Variants in MCF2 observed in about 807,000 individuals in gnomAD.
MCF2 encodes the protein MCF.2 cell line derived transforming sequence.
A neutral mutation model predicts 82.5 loss-of-function variants in MCF2; 44 were observed. The observed-to-expected ratio is 0.53, with a 90% CI of 0.42 to 0.69. The LOEUF (loss-of-function observed/expected upper bound fraction) is 0.69, where lower values mean the gene tolerates loss of function less well. MCF2 is among the 30% of genes least tolerant of loss of function. The pLI, the probability that MCF2 is intolerant of heterozygous loss-of-function variation, is 0.00. For synonymous variants in MCF2, 217 were observed against 224.9 expected (o/e 0.96, Z 0.32); for missense variants, 623 against 663.1 (o/e 0.94, Z 0.66).
chrX:139,631,678 A>G (rs756629748), intron 2 of MCF2, among the ~76,000 whole-genome samples, 167 bp from the exon 6 acceptor site: 51 of 111,705 alleles, frequency 4.6e-4, no homozygotes, highest in Admixed American at 5.7e-4. Flanking sequence ...TACCTTCTTC[A>G]GATAATAACA....
chrX:139,679,305 T>C (rs914051087), intron 1 of MCF2, among the ~76,000 whole-genome samples: 2 of 112,308 alleles, frequency 1.8e-5, no homozygotes, highest in African/African-American at 6.5e-5. Context: ...AGGATTATTT[T>C]ACCCTCAGTA....
chrX:139,662,789 C>T (rs1328547963), intron 1 of MCF2, among the ~76,000 whole-genome samples: 1 of 110,354 alleles, frequency 9.1e-6, no homozygotes, highest in Non-Finnish European at 1.9e-5. Flanking sequence ...TTCTCTTCAC[C>T]CTCCCCCTTC....
chrX:139,626,519 G>A, intron 5 of MCF2, 104 bp downstream of exon 8: 7 of 822,736 alleles, frequency 8.5e-6, no homozygotes, highest in Non-Finnish European at 1.2e-5. Flanking sequence ...CAGATTTCCA[G>A]AGGTCCAGGA....
intron 1 of MCF2, among the ~76,000 whole-genome samples, chrX:139,664,405 C>T (rs1426597310): frequency 8.9e-6 from 1 of 112,071 alleles, no homozygotes; most frequent in African/African-American, 3.2e-5. Flanking sequence ...TTTCCATTTA[C>T]ATGGAATATA....
intron 2 of MCF2, among the ~76,000 whole-genome samples, chrX:139,649,881 A>G (rs1165975433): frequency 9.0e-6 from 1 of 111,676 alleles, no homozygotes; most frequent in Non-Finnish European, 1.9e-5. Flanking sequence ...CTTAAGTAAA[A>G]TCTCCAAAAC....
chrX:139,695,191 G>A (rs1271172166), intron 1 of MCF2, among the ~76,000 whole-genome samples: 5 of 109,402 alleles, frequency 4.6e-5, no homozygotes, highest in African/African-American at 1.3e-4. Flanking sequence ...CCACCACACT[G>A]GCTAATTTTT....
At chrX:139,614,258 G>A (rs1487347422) in intron 10 of MCF2, among the ~76,000 whole-genome samples, 1 of 111,487 alleles carries the variant, frequency 9.0e-6, no homozygotes, top group Non-Finnish European at 1.9e-5. Context: ...AAAACTAGGA[G>A]ATTAAAACTA....
intron 1 of MCF2, among the ~76,000 whole-genome samples, chrX:139,664,320 CAA>C (rs58144695): frequency 5.4e-5 from 5 of 92,904 alleles, no homozygotes; most frequent in Admixed American, 1.2e-4. Context: ...AAACAAAAAA[CAA>C]AAAAAAAAAA....
At position 139,616,491 on chromosome X, in the gene MCF2, A is replaced by G. The variant is rs1451491672; in HGVS notation, c.1000-18T>C. 1.6e-5 allele frequency: 14 copies of G among 901,587 alleles called. No homozygotes were observed. The African/African-American group carries it at 4.0e-4, about 25-fold the overall frequency. The allele number at this position is 901,587 out of a possible 1,213,427, so 74.3% of individuals were successfully genotyped here. A position where few individuals can be genotyped will look rare whatever the true frequency, so the allele number is the denominator to read the frequency against. On this transcript the variant is annotated intron_variant, in intron 8 of 24. Coordinates refer to ENST00000370576, the Ensembl canonical transcript of MCF2. ...TGACGAGCCTGGTAAGAAAATCAAG[A>G]AGAAAAAAAAAAAATATGAATTAAT...
chrX:139,597,659 C>T (rs1688662617), intron 17 of MCF2, 74 bp from the exon 22 acceptor site: 2 of 880,748 alleles, frequency 2.3e-6, no homozygotes, highest in Admixed American at 6.9e-5. Flanking sequence ...TTTTGGCTAA[C>T]ATGCTTTCAA....
At chrX:139,642,693 A>C (rs1320148707) in exon 1 of MCF2, 5 of 1,094,782 alleles carry the variant, frequency 4.6e-6, no homozygotes, top group African/African-American at 1.9e-5. Context: ...AAAAAAAAAA[A>C]AAAACCACTA....
intron 1 of MCF2, among the ~76,000 whole-genome samples, chrX:139,641,805 A>G (rs1933584462): frequency 9.0e-6 from 1 of 111,596 alleles, no homozygotes; most frequent in Non-Finnish European, 1.9e-5. Flanking sequence ...AAATGAATGA[A>G]GGGAAAATTT....
chrX:139,598,582 T>A, intron 16 of MCF2, 84 bp from the exon 21 acceptor site: 1 of 461,951 alleles, frequency 2.2e-6, no homozygotes, highest in Non-Finnish European at 3.5e-6. Context: ...TTAAACCTAA[T>A]GCCCCAATGT....
In MCF2 at chrX:139,587,774, GCTTT is replaced by G; in HGVS notation, c.2460_2463del (p.Arg820SerfsTer6). 8.4e-7 allele frequency: 1 copy of G among 1,186,295 alleles called. No homozygotes were observed. The highest frequency in any genetic ancestry group is 1.1e-6 in the Non-Finnish European group (1 of 874,884). ...TCCCGTTCTGTTAATTGATCCTGTT[GCTTT>G]CTTTTTTTAACTGAGAAATAAAACA... On this transcript the variant is annotated frameshift_variant, in exon 22 of 25. Coordinates refer to ENST00000370576, the Ensembl canonical transcript of MCF2. LOFTEE classifies it high-confidence loss of function.
At chrX:139,671,947 C>T (rs138690045) in intron 1 of MCF2, among the ~76,000 whole-genome samples, 1,835 of 111,860 alleles carry the variant, frequency 0.016, 39 homozygotes, top group African/African-American at 0.056. Flanking sequence ...TATCCATGAG[C>T]TTGGAATGTT....
chrX:139,602,162 T>C (rs1392540298), intron 16 of MCF2, among the ~76,000 whole-genome samples: 1 of 110,921 alleles, frequency 9.0e-6, no homozygotes, highest in African/African-American at 3.3e-5. Flanking sequence ...AGGATAAAGA[T>C]AAGCATGTCA....
intron 1 of MCF2, among the ~76,000 whole-genome samples, chrX:139,687,890 T>C (rs949138645): frequency 4.5e-5 from 5 of 112,064 alleles, no homozygotes; most frequent in Non-Finnish European, 9.4e-5. Context: ...AAAGCTCATA[T>C]ACATTAGTTG....
At chrX:139,638,835 G>C (rs1340580624) in intron 1 of MCF2, among the ~76,000 whole-genome samples, 4 of 111,034 alleles carry the variant, frequency 3.6e-5, no homozygotes, top group Non-Finnish European at 1.9e-5. Context: ...AATCTAGAGG[G>C]GACAGAACAC....
intron 1 of MCF2, among the ~76,000 whole-genome samples, chrX:139,673,874 T>G (rs188406420): frequency 8.9e-6 from 1 of 111,764 alleles, no homozygotes; most frequent in African/African-American, 3.3e-5. Context: ...ATATCCTTGT[T>G]AACCTTCTGT....
Sources: allele counts gnomAD v4.1 joint callset (sites outside exome capture counted in the v4.1 genomes callset), GRCh38; gene constraint gnomAD v4.1.1; transcripts MANE v1.5; gene names NCBI Gene and HGNC (gene_info 2026-07-23, HGNC 2026-07-21).